The following CRACDL variants were observed in gnomAD, a reference collection of about 807,000 sequenced individuals.
The protein encoded by CRACDL is CRACD-like protein.
CRACDL carries 26 observed loss-of-function variants against 70.6 expected under a neutral mutation model. The observed-to-expected ratio is 0.37, with a 90% confidence interval of 0.27 to 0.51. CRACDL has a LOEUF of 0.51. CRACDL is among the 20% of genes least tolerant of loss of function. The pLI is 0.94. For missense variants in CRACDL, 1,283 were observed against 1,376.9 expected (o/e 0.93, Z 1.08); for synonymous variants, 618 against 615.2 (o/e 1.00, Z -0.07).
chr2:98,802,012 A>C (rs75109547), intron 7 of CRACDL, among the ~76,000 whole-genome samples: 9,173 of 152,312 alleles, frequency 0.06, 299 homozygotes, highest in East Asian at 0.11. Flanking sequence ...ACAGCAAGCA[A>C]TGGGTTGCAC....
Position 98,898,999 on chromosome 2 carries a change from T to G in CRACDL, c.-11+36939A>C, listed in dbSNP as rs1558629876. 2.6e-5 allele frequency among the ~76,000 whole-genome samples: 4 copies of G among 152,264 alleles called. 1 individual carries two copies. The South Asian group carries it at 8.3e-4, about 32-fold the overall frequency. ...GTTGTAACTGAAAAATCCCCAGTGA[T>G]AGTTCATGGCTACCAGGCCTCCCTA... On this transcript the variant is annotated intron_variant, in intron 1 of 9. Coordinates refer to ENST00000397899, the MANE Select transcript of CRACDL (RefSeq NM_207362.3).
chr2:98,863,858 C>A (rs868341482), intron 1 of CRACDL, among the ~76,000 whole-genome samples: 1 of 152,102 alleles, frequency 6.6e-6, no homozygotes, highest in Non-Finnish European at 1.5e-5. Context: ...TCAGAGTAGT[C>A]AAAATCGTAG....
chr2:98,867,609 C>T (rs548375367), intron 1 of CRACDL, among the ~76,000 whole-genome samples: 1 of 152,240 alleles, frequency 6.6e-6, no homozygotes, highest in South Asian at 2.1e-4. Context: ...GACTTCATAG[C>T]CTTATTTTAG....
chr2:98,889,700 C>T (rs183092013), intron 1 of CRACDL, among the ~76,000 whole-genome samples: 1 of 152,280 alleles, frequency 6.6e-6, no homozygotes, highest in Non-Finnish European at 1.5e-5. Context: ...CCAGTAATAG[C>T]AGAATTCACA....
At chr2:98,863,208 C>T (rs1707004588) in intron 1 of CRACDL, among the ~76,000 whole-genome samples, 1 of 152,110 alleles carries the variant, frequency 6.6e-6, no homozygotes, top group Non-Finnish European at 1.5e-5. Context: ...GTAGATTTTT[C>T]ATCAGAAACT....
At chr2:98,891,841 G>A (rs1707989382) in intron 1 of CRACDL, among the ~76,000 whole-genome samples, 1 of 152,132 alleles carries the variant, frequency 6.6e-6, no homozygotes, top group South Asian at 2.1e-4. Flanking sequence ...TACAATAAAG[G>A]GTGTCTGCGT....
At chr2:98,807,490 C>T (rs1704358647) in intron 7 of CRACDL, among the ~76,000 whole-genome samples, 1 of 152,170 alleles carries the variant, frequency 6.6e-6, no homozygotes, top group African/African-American at 2.4e-5. Flanking sequence ...AATATGTCTC[C>T]AGGCACTGCC....
chr2:98,913,656 G>T (rs572483510), intron 1 of CRACDL, among the ~76,000 whole-genome samples: 1 of 152,318 alleles, frequency 6.6e-6, no homozygotes, highest in Admixed American at 6.5e-5. Flanking sequence ...CCAAAGGCAA[G>T]TCTGGGCATC....
chr2:98,808,851 G>A (rs1704432399), intron 7 of CRACDL, among the ~76,000 whole-genome samples: 1 of 152,214 alleles, frequency 6.6e-6, no homozygotes, highest in Non-Finnish European at 1.5e-5. Context: ...ACTGAAGCCA[G>A]CCCTCTGAAA....
intron 1 of CRACDL, among the ~76,000 whole-genome samples, chr2:98,928,688 A>C (rs183104912): frequency 3.9e-5 from 6 of 152,300 alleles, no homozygotes; most frequent in Admixed American, 3.9e-4. Flanking sequence ...CAACTCAAAG[A>C]CCTGTTTTGG....
chr2:98,823,589 C>A lies in CRACDL; in HGVS notation c.736-52G>T, dbSNP rs1479384686. 3.9e-6 allele frequency: 6 copies of A among 1,534,888 alleles called. No homozygotes were observed. Among genetic ancestry groups the A allele is most frequent in the Admixed American group, 2.0e-5 (1 of 50,990 alleles). ...CGTCGCTATAGCCAATTCCAGGAAG[C>A]CTGTCACCTCCCCACTTTTTTCAAG... On this transcript the variant is annotated intron_variant, in intron 6 of 9. Coordinates refer to ENST00000397899, the MANE Select transcript of CRACDL (RefSeq NM_207362.3). The surrounding 1 kb of genome is among the most constrained non-coding windows in gnomAD (Gnocchi z 4.0).
chr2:98,887,656 C>T (rs61503115), intron 1 of CRACDL, among the ~76,000 whole-genome samples: 1 of 152,118 alleles, frequency 6.6e-6, no homozygotes, highest in Non-Finnish European at 1.5e-5. Flanking sequence ...ATTCAAGAAG[C>T]TTGATGACCT....
intron 1 of CRACDL, among the ~76,000 whole-genome samples, chr2:98,870,730 G>A (rs1032087991): frequency 9.8e-5 from 15 of 152,338 alleles, no homozygotes; most frequent in Admixed American, 9.1e-4. Flanking sequence ...CACCCCATTC[G>A]GTGGGCCGGG....
chr2:98,834,165 C>T (rs112455126), intron 3 of CRACDL, among the ~76,000 whole-genome samples: 3,184 of 152,310 alleles, frequency 0.021, 116 homozygotes, highest in African/African-American at 0.072. Flanking sequence ...GGCCCACACT[C>T]TCTGGGAACC....
intron 1 of CRACDL, chr2:98,868,930 C>T: frequency 2.7e-6 from 1 of 371,660 alleles, no homozygotes; most frequent in Non-Finnish European, 5.4e-6. Flanking sequence ...AAGGAGGTCA[C>T]AAACATTCTA....
chr2:98,829,998 G>A (rs1173684790), intron 5 of CRACDL, among the ~76,000 whole-genome samples: 1 of 152,202 alleles, frequency 6.6e-6, no homozygotes, highest in Non-Finnish European at 1.5e-5. Context: ...CCTCCCTCCG[G>A]AGCTGTGGGG....
At chr2:98,893,080 A>T (rs1022022534) in intron 1 of CRACDL, among the ~76,000 whole-genome samples, 2 of 152,134 alleles carry the variant, frequency 1.3e-5, no homozygotes, top group Non-Finnish European at 2.9e-5. Flanking sequence ...GGCCCTTCCC[A>T]GGTGCCCTCA....
rs1703868263 is a variant in CRACDL, at chr2:98,797,342, C to T, written c.2604+8G>A. On this transcript the variant is annotated splice_region_variant and intron_variant, in intron 8 of 9. Coordinates refer to ENST00000397899, the MANE Select transcript of CRACDL (RefSeq NM_207362.3). ...CACCCACAGAACAGAAGTATTTGCT[C>T]TAAGCACCTGGCCTCTCTCGGGCAC... 1 of 1,613,910 alleles carries T rather than the reference C, an allele frequency of 6.2e-7. No individual in the cohort carries two copies. The highest frequency in any genetic ancestry group is 8.5e-7 in the Non-Finnish European group (1 of 1,179,868).
chr2:98,855,653 C>G (rs1706670980), intron 1 of CRACDL, among the ~76,000 whole-genome samples: 1 of 152,280 alleles, frequency 6.6e-6, no homozygotes, highest in East Asian at 1.9e-4. Flanking sequence ...TAAGAGGGCA[C>G]AGGTGTTGAA....
Sources: allele counts gnomAD v4.1 joint callset (sites outside exome capture counted in the v4.1 genomes callset), GRCh38; gene constraint gnomAD v4.1.1; non-coding constraint Gnocchi (gnomAD v3.1); transcripts MANE v1.5; gene names NCBI Gene and HGNC (gene_info 2026-07-23, HGNC 2026-07-21).